INVS: variants seen among roughly 807,000 people sequenced by gnomAD.
INVS encodes inversin.
A neutral mutation model predicts 108.8 loss-of-function variants in INVS; 86 were observed. The observed-to-expected ratio is 0.79, with a 90% confidence interval of 0.66 to 0.95. The LOEUF is 0.95. INVS is among the 40% of genes least tolerant of loss of function. The pLI is 0.00. For synonymous variants in INVS, 455 were observed against 473.5 expected, an observed-to-expected ratio of 0.96 and a Z score of 0.51; for missense variants, 1,169 against 1,297.4, an observed-to-expected ratio of 0.90 and a Z score of 1.52.
chr9:100,106,345 T>A (rs1827181208), intron 2 of INVS, among the ~76,000 whole-genome samples: 1 of 152,182 alleles, frequency 6.6e-6, no homozygotes, highest in South Asian at 2.1e-4. Flanking sequence ...CTCTGATTAC[T>A]ATATCTTCAA....
At chr9:100,148,483 GAT>G (rs1331088228) in intron 3 of INVS, among the ~76,000 whole-genome samples, 1 of 152,156 alleles carries the variant, frequency 6.6e-6, no homozygotes, top group Admixed American at 6.5e-5. Flanking sequence ...AAGGGAAAGA[GAT>G]AGACATAAGG....
intron 3 of INVS, among the ~76,000 whole-genome samples, chr9:100,144,422 C>T (rs372888767): frequency 2.5e-4 from 38 of 152,144 alleles, no homozygotes; most frequent in African/African-American, 8.4e-4. Context: ...ATAAGATGGC[C>T]TTTTGACCTT....
At chr9:100,271,872 T>G (rs943920793) in intron 11 of INVS, among the ~76,000 whole-genome samples, 1 of 145,222 alleles carries the variant, frequency 6.9e-6, no homozygotes, top group African/African-American at 2.5e-5. Flanking sequence ...GTTTCCGAAA[T>G]TTTTTTTTTT....
chr9:100,277,377 C>G (rs1033972814), intron 12 of INVS, among the ~76,000 whole-genome samples: 1 of 152,238 alleles, frequency 6.6e-6, no homozygotes. Flanking sequence ...TCTGACTCAT[C>G]TGCTCACAAA....
chr9:100,275,731 A>G (rs758057011), intron 12 of INVS, among the ~76,000 whole-genome samples: 13 of 152,256 alleles, frequency 8.5e-5, no homozygotes, highest in South Asian at 2.1e-4. Context: ...AAACTTAAGT[A>G]AAGTGATTTC....
chr9:100,161,379 A>ACAAAATAAAAC (rs1199529214), intron 3 of INVS, among the ~76,000 whole-genome samples: 1 of 144,560 alleles, frequency 6.9e-6, no homozygotes, highest in Non-Finnish European at 1.5e-5. Context: ...AAAAAAAAAA[A>ACAAAATAAAAC]AAAAAAAAAA....
chr9:100,263,088 C>T (rs1832681172), intron 10 of INVS, among the ~76,000 whole-genome samples: 1 of 152,006 alleles, frequency 6.6e-6, no homozygotes, highest in Non-Finnish European at 1.5e-5. Flanking sequence ...TGGTCTTGCT[C>T]CTGTCTTTTT....
chr9:100,251,112 T>C (rs930353237), intron 8 of INVS, among the ~76,000 whole-genome samples: 3 of 152,268 alleles, frequency 2.0e-5, no homozygotes, highest in Non-Finnish European at 4.4e-5. Context: ...ACTTTAATTA[T>C]ACCAATTATC....
At chr9:100,237,559 T>A (rs1308152339) in intron 5 of INVS, among the ~76,000 whole-genome samples, 2 of 152,138 alleles carry the variant, frequency 1.3e-5, no homozygotes, top group Non-Finnish European at 2.9e-5. Flanking sequence ...CTGGGCCAGA[T>A]ACCGTCCCTG....
chr9:100,257,373 T>G (rs1201764213), intron 10 of INVS, among the ~76,000 whole-genome samples: 1 of 152,250 alleles, frequency 6.6e-6, no homozygotes, highest in Non-Finnish European at 1.5e-5. Context: ...TTTGCCAGTC[T>G]GTGTCTTTTA....
At chr9:100,188,039 T>A (rs1176904175) in intron 3 of INVS, among the ~76,000 whole-genome samples, 1 of 152,220 alleles carries the variant, frequency 6.6e-6, no homozygotes, top group Non-Finnish European at 1.5e-5. Flanking sequence ...TAACCTGAGA[T>A]ATAATTGGAT....
intron 3 of INVS, among the ~76,000 whole-genome samples, chr9:100,213,569 C>T (rs959736113): frequency 6.6e-6 from 1 of 151,870 alleles, no homozygotes; most frequent in African/African-American, 2.4e-5. Flanking sequence ...GAGATTTTAC[C>T]CTAAATATAA....
chr9:100,119,541 C>A (rs1341554157), intron 2 of INVS, among the ~76,000 whole-genome samples: 7 of 152,194 alleles, frequency 4.6e-5, no homozygotes, highest in Non-Finnish European at 1.0e-4. Context: ...TTAGGATTCT[C>A]TCCCCACTGC....
At chr9:100,252,768 A>G in intron 9 of INVS, 139 bp from the exon 10 acceptor site, 1 of 718,408 alleles carries the variant, frequency 1.4e-6, no homozygotes, top group Non-Finnish European at 2.4e-6. Flanking sequence ...AGAATAAAGC[A>G]TTAAAGGAAC....
intron 3 of INVS, among the ~76,000 whole-genome samples, chr9:100,135,328 T>A (rs1351045191): frequency 6.6e-6 from 1 of 152,164 alleles, no homozygotes; most frequent in Non-Finnish European, 1.5e-5. Flanking sequence ...CCTGTGTCTA[T>A]GCTCTTATCC....
At chr9:100,141,360 G>C (rs1231826047) in intron 3 of INVS, among the ~76,000 whole-genome samples, 3 of 152,134 alleles carry the variant, frequency 2.0e-5, no homozygotes, top group Non-Finnish European at 4.4e-5. Flanking sequence ...GTTTTTAAAA[G>C]ACCGTTAGTC....
At position 100,284,605 on chromosome 9, in the gene INVS, TA is replaced by T. The variant is rs1833380152; in HGVS notation, c.2068+3del. ...GAACAAACTCCAGAAGGCCAAATGGTAGGTGTATTGCCTTTGTCATCTTCTG... is the reference window on the plus strand; with the variant it reads ...GAACAAACTCCAGAAGGCCAAATGGTGGTGTATTGCCTTTGTCATCTTCTG... On this transcript the variant is annotated splice_donor_region_variant and intron_variant, in intron 13 of 16. Transcript: ENST00000262457. The T allele has an allele frequency of 3.7e-6, 6 of 1,612,628 alleles. No homozygotes were observed. Among genetic ancestry groups the T allele is most frequent in the Non-Finnish European group, 4.2e-6 (5 of 1,179,430 alleles).
intron 3 of INVS, among the ~76,000 whole-genome samples, chr9:100,195,823 C>T (rs1456136189): frequency 6.6e-6 from 1 of 152,166 alleles, no homozygotes; most frequent in Non-Finnish European, 1.5e-5. Context: ...ACCAACCTTG[C>T]ACTTCTGGGA....
chr9:100,219,556 A>G (rs573411005), intron 3 of INVS, among the ~76,000 whole-genome samples: 1 of 152,240 alleles, frequency 6.6e-6, no homozygotes, highest in Non-Finnish European at 1.5e-5. Context: ...ACTGTTATGA[A>G]TGTTAACTTG....
Sources: allele counts gnomAD v4.1 joint callset (sites outside exome capture counted in the v4.1 genomes callset), GRCh38; gene constraint gnomAD v4.1.1; transcripts MANE v1.5; gene names NCBI Gene and HGNC (gene_info 2026-07-23, HGNC 2026-07-21).